Variants in PZP observed in about 807,000 individuals in gnomAD.
PZP encodes the protein pregnancy zone protein.
In PZP, 150 loss-of-function variants were observed where a neutral mutation model predicts 179.8. That is an observed-to-expected ratio of 0.83 (90% CI 0.73 to 0.96). The LOEUF (loss-of-function observed/expected upper bound fraction) is 0.96. Ranked by LOEUF, PZP falls within the 40% of genes least tolerant of loss-of-function variation. The probability of loss-of-function intolerance (pLI) is 0.00; values close to 1 mark genes in which losing one functional copy is unlikely to be tolerated. For synonymous variants in PZP, 624 were observed against 652.3 expected, an observed-to-expected ratio of 0.96 and a Z score of 0.66; for missense variants, 1,689 against 1,764.0, an observed-to-expected ratio of 0.96 and a Z score of 0.76.
chr12:9,187,804 C>G (rs1943215995), intron 13 of PZP, among the ~76,000 whole-genome samples: 1 of 152,224 alleles, frequency 6.6e-6, no homozygotes. Context: ...GTGATCCATG[C>G]TACACCCTAA....
the PZP span, among the ~76,000 whole-genome samples, chr12:9,143,590 A>G: frequency 6.6e-6 from 1 of 152,232 alleles, no homozygotes; most frequent in Non-Finnish European, 1.5e-5. Flanking sequence ...GATCTTAGGT[A>G]GAAGAAAGCC....
In PZP at chr12:9,165,321, T is replaced by G; in HGVS notation, c.2305A>C (p.Thr769Pro). The G allele has an allele frequency of 6.2e-7, 1 of 1,614,080 alleles. No individual in the cohort carries two copies. The highest frequency in any genetic ancestry group is 8.5e-7 in the Non-Finnish European group (1 of 1,179,970). Residue 769 changes from threonine (T) to proline (P), a missense_variant, in exon 19 of 36, where the codon ACC (threonine) becomes CCC (proline). Thr to Pro is a conservative substitution (Grantham distance 38). This residue lies in a region of PZP where 201 missense variants were observed against 284.2 expected (regional missense o/e 0.71). Transcript: ENST00000261336. ...EVGVTVPDTI[T>P]EWKAGAFCLS... ...CAGAAGGCCCCTGCCTTCCACTCGG[T>G]GATGGTGTCAGGGACTGTTACTCCT...
chr12:9,140,075 G>A, the PZP span, among the ~76,000 whole-genome samples: 5 of 152,280 alleles, frequency 3.3e-5, no homozygotes, highest in African/African-American at 9.6e-5. Flanking sequence ...GTTTATTTTC[G>A]TGTTGGAATG....
chr12:9,208,168 G>A lies in PZP; in HGVS notation c.83+91C>T, dbSNP rs1402276522. The A allele has an allele frequency of 3.4e-6, 3 of 892,490 alleles. No individual in the cohort carries two copies. The Admixed American group carries it at 5.4e-5, about 16-fold the overall frequency. 55.3% of individuals were successfully genotyped at this position (892,490 alleles called of 1,614,324 possible). The stretch of plus-strand genomic sequence containing the variant: ...TATTTGGAAGGTATTGTAATGAGTG[G>A]AAAGGTGGCATTTACAAAGGAAGGC... On this transcript the variant is annotated intron_variant, in intron 1 of 35. Transcript: ENST00000261336.
At chr12:9,138,625 T>C in the PZP span, among the ~76,000 whole-genome samples, 1 of 152,042 alleles carries the variant, frequency 6.6e-6, no homozygotes, top group African/African-American at 2.4e-5. Context: ...AGCTATCTGA[T>C]CCTGGGTTTT....
intron 21 of PZP, 103 bp downstream of exon 21, chr12:9,163,565 G>A: frequency 7.7e-7 from 1 of 1,300,436 alleles, no homozygotes; most frequent in Non-Finnish European, 1.1e-6. Flanking sequence ...AGTCTTACAG[G>A]ATGTATTGTG....
chr12:9,169,694 T>G, intron 15 of PZP, 103 bp from the exon 16 acceptor site: 3 of 1,110,968 alleles, frequency 2.7e-6, no homozygotes, highest in Non-Finnish European at 3.6e-6. Context: ...TTTTCTTGAG[T>G]ACGTTCATGT....
At chr12:9,138,036 C>T in the PZP span, among the ~76,000 whole-genome samples, 2 of 151,984 alleles carry the variant, frequency 1.3e-5, no homozygotes, top group South Asian at 4.1e-4. Flanking sequence ...ACTGTTCTGG[C>T]TAGGGCTTTG....
chr12:9,176,287 C>G (rs756714720), intron 15 of PZP, among the ~76,000 whole-genome samples: 1 of 152,004 alleles, frequency 6.6e-6, no homozygotes, highest in Non-Finnish European at 1.5e-5. Context: ...ACACTCACTC[C>G]GGCCTATTAG....
chr12:9,153,456 G>A (rs1592441496), intron 29 of PZP, 113 bp from the exon 30 acceptor site: 1 of 734,652 alleles, frequency 1.4e-6, no homozygotes, highest in East Asian at 2.6e-5. Flanking sequence ...TACCCCTAAG[G>A]TAGATCTTCA....
At chr12:9,169,044 G>T in intron 16 of PZP, 70 bp from the exon 17 acceptor site, 1 of 1,142,282 alleles carries the variant, frequency 8.8e-7, no homozygotes. Context: ...TATCCTTAGA[G>T]ACTTCTCTAT....
At chr12:9,195,295 A>G (rs193108386) in intron 10 of PZP, among the ~76,000 whole-genome samples, 24 of 152,288 alleles carry the variant, frequency 1.6e-4, no homozygotes, top group African/African-American at 5.8e-4. Flanking sequence ...TATTCCATAA[A>G]TGTTAGTTAC....
intron 19 of PZP, 83 bp from the exon 20 acceptor site, chr12:9,164,342 T>A: frequency 7.0e-7 from 1 of 1,434,380 alleles, no homozygotes; most frequent in Non-Finnish European, 9.5e-7. Context: ...AAGTGTGAGA[T>A]GCTGCAGTAA....
intron 15 of PZP, among the ~76,000 whole-genome samples, chr12:9,180,303 A>G (rs1942672073): frequency 6.6e-6 from 1 of 152,132 alleles, no homozygotes; most frequent in Non-Finnish European, 1.5e-5. Context: ...AAACTACTTT[A>G]AAGTTCATAT....
At chr12:9,148,729 G>T, downstream of PZP, 1 of 437,404 alleles carries the variant, frequency 2.3e-6, no homozygotes, top group Non-Finnish European at 4.0e-6. Flanking sequence ...TTTCCTACTA[G>T]AATGCTAACC....
chr12:9,153,819 G>A (rs1004995630), intron 29 of PZP, among the ~76,000 whole-genome samples: 8 of 152,102 alleles, frequency 5.3e-5, no homozygotes, highest in Admixed American at 5.2e-4. Context: ...TCACTATGGA[G>A]ATCCTAACTG....
intron 1 of PZP, among the ~76,000 whole-genome samples, chr12:9,206,143 C>T (rs971432583): frequency 6.6e-6 from 1 of 152,208 alleles, no homozygotes; most frequent in Non-Finnish European, 1.5e-5. Flanking sequence ...TTCTGATCTC[C>T]TGATCACTGC....
chr12:9,190,046 A>G (rs1943367508), intron 13 of PZP, among the ~76,000 whole-genome samples: 1 of 152,180 alleles, frequency 6.6e-6, no homozygotes, highest in African/African-American at 2.4e-5. Flanking sequence ...TCTTGGTGGG[A>G]ATGTAAATTA....
intron 15 of PZP, 112 bp downstream of exon 15, chr12:9,180,871 A>G (rs1320093466): frequency 6.6e-5 from 80 of 1,203,252 alleles, no homozygotes; most frequent in Middle Eastern, 3.0e-4. Flanking sequence ...GCAACCTACA[A>G]AATGGGAGAA....
Sources: allele counts gnomAD v4.1 joint callset (sites outside exome capture counted in the v4.1 genomes callset), GRCh38; gene constraint gnomAD v4.1.1; regional missense constraint gnomAD v4.1.1; transcripts MANE v1.5; gene names NCBI Gene and HGNC (gene_info 2026-07-23, HGNC 2026-07-21).